Variants in MTM1 observed in about 807,000 individuals in gnomAD.
MTM1 encodes myotubularin 1, also known as myotubularin.
In MTM1, 9 loss-of-function variants were observed where a neutral mutation model predicts 52.1. The ratio of observed to expected loss-of-function variants is 0.17; its 90% CI spans 0.10 to 0.30. MTM1 has a LOEUF of 0.30. MTM1 is among the 10% of genes least tolerant of loss of function. The probability of loss-of-function intolerance (pLI) is 1.00; values close to 1 mark genes in which losing one functional copy is unlikely to be tolerated. For synonymous variants in MTM1, 136 were observed against 163.8 expected, an observed-to-expected ratio of 0.83 and a Z score of 1.29; for missense variants, 277 against 470.7, an observed-to-expected ratio of 0.59 and a Z score of 3.81.
intron 2 of MTM1, among the ~76,000 whole-genome samples, chrX:150,593,160 T>C (rs1268722795): frequency 8.9e-6 from 1 of 112,263 alleles, no homozygotes; most frequent in Admixed American, 9.4e-5. Flanking sequence ...AGCTTTTAGA[T>C]ACAATACCTT....
rs140869982 is a variant in MTM1 at position 150,659,210 on chromosome X, T to C, written c.1261-454T>C. Among the ~76,000 whole-genome samples, 423 of 112,501 alleles carry C rather than the reference T, an allele frequency of 3.8e-3. 3 individuals are homozygous for C. The highest frequency in any genetic ancestry group is 0.013 in the African/African-American group (405 of 30,994). On this transcript the variant is annotated intron_variant, in intron 11 of 14. Coordinates refer to ENST00000370396, the MANE Select transcript of MTM1 (RefSeq NM_000252.3). ...ATTGTGAGATTTTTTGGTTTTGTCT[T>C]GTTTTTAAGAGAGAAAGAACATTTA...
intron 10 of MTM1, 120 bp downstream of exon 10, chrX:150,650,021 G>T: frequency 1.7e-6 from 1 of 586,930 alleles, no homozygotes; most frequent in South Asian, 3.4e-5. Context: ...TTGTAGTAGA[G>T]GACCACATTT....
chrX:150,658,450 A>G (rs782004824), intron 11 of MTM1, among the ~76,000 whole-genome samples: 8 of 111,978 alleles, frequency 7.1e-5, no homozygotes, highest in Non-Finnish European at 1.5e-4. Flanking sequence ...TGTAGTTAAT[A>G]TATTTTTGAA....
At chrX:150,606,774 C>T (rs2039164876) in intron 4 of MTM1, among the ~76,000 whole-genome samples, 1 of 109,780 alleles carries the variant, frequency 9.1e-6, no homozygotes. Context: ...TCCCCCCGCT[C>T]TGTGAATCTG....
intron 1 of MTM1, 84 bp downstream of exon 1, chrX:150,568,746 G>A (rs1557411325): frequency 8.8e-6 from 1 of 113,353 alleles, no homozygotes; most frequent in Admixed American, 9.2e-5. Context: ...AGGAAGTTGG[G>A]ACTCCTTGGG....
At chrX:150,590,240 G>A (rs902952850) in intron 1 of MTM1, among the ~76,000 whole-genome samples, 1 of 112,077 alleles carries the variant, frequency 8.9e-6, no homozygotes, top group Non-Finnish European at 1.9e-5. Context: ...CCTCATTGTG[G>A]AACTGGCACA....
chrX:150,671,304 A>G (rs1348795642), intron 14 of MTM1, 124 bp from the exon 15 acceptor site: 4 of 770,964 alleles, frequency 5.2e-6, no homozygotes, highest in South Asian at 2.2e-5. Context: ...GAAAGTATGT[A>G]TTATGGTAAA....
At chrX:150,590,648 A>G (rs948443158) in intron 1 of MTM1, among the ~76,000 whole-genome samples, 7 of 111,804 alleles carry the variant, frequency 6.3e-5, no homozygotes, top group African/African-American at 2.3e-4. Flanking sequence ...TTCGTCCTTT[A>G]TATTCATTTT....
chrX:150,608,594 A>T (rs1012112960), intron 4 of MTM1, among the ~76,000 whole-genome samples: 27 of 111,940 alleles, frequency 2.4e-4, no homozygotes, highest in African/African-American at 8.8e-4. Flanking sequence ...CACATTGTAG[A>T]ATGAGTCAAT....
intron 1 of MTM1, among the ~76,000 whole-genome samples, chrX:150,578,159 C>A (rs782781773): frequency 8.9e-6 from 1 of 112,228 alleles, no homozygotes; most frequent in South Asian, 3.7e-4. Context: ...GGGTCCTCCC[C>A]GAGGTGAGAT....
chrX:150,595,618 A>T (rs2038962373), intron 2 of MTM1, among the ~76,000 whole-genome samples: 1 of 112,774 alleles, frequency 8.9e-6, no homozygotes, highest in Non-Finnish European at 1.9e-5. Flanking sequence ...CTTTTTGCCC[A>T]AACAGATGTT....
chrX:150,586,913 C>CAA (rs10618246), intron 1 of MTM1, among the ~76,000 whole-genome samples: 23,834 of 60,279 alleles, frequency 0.4, 3,744 homozygotes, highest in Middle Eastern at 0.6. Context: ...CACTCTGTCT[C>CAA]AAAAAAAAAA....
chrX:150,647,799 A>C (rs1557414059), intron 9 of MTM1, among the ~76,000 whole-genome samples: 1 of 112,279 alleles, frequency 8.9e-6, no homozygotes, highest in African/African-American at 3.2e-5. Context: ...ATCATTTTAA[A>C]TTAAACAAAA....
chrX:150,643,442 A>C (rs2148490725), intron 8 of MTM1, among the ~76,000 whole-genome samples: 1 of 111,763 alleles, frequency 8.9e-6, no homozygotes, highest in Non-Finnish European at 1.9e-5. Flanking sequence ...ACTGATAAGC[A>C]AAAAGGAGTC....
chrX:150,562,753 C>T, the MTM1 span, among the ~76,000 whole-genome samples: 6 of 111,800 alleles, frequency 5.4e-5, no homozygotes, highest in East Asian at 2.8e-4. Context: ...TGCTGACCAG[C>T]GGGGCCTCCT....
chrX:150,636,461 A>G (rs782485200), intron 6 of MTM1, among the ~76,000 whole-genome samples: 1 of 112,184 alleles, frequency 8.9e-6, no homozygotes, highest in Non-Finnish European at 1.9e-5. Flanking sequence ...TAGGTTGAAA[A>G]TGCTGCTTGA....
chrX:150,663,356 A>G (rs781966054), intron 13 of MTM1, 77 bp from the exon 14 acceptor site: 1 of 1,054,409 alleles, frequency 9.5e-7, no homozygotes, highest in South Asian at 1.9e-5. Flanking sequence ...CTGTATTGCT[A>G]CAGGCTGCAA....
At chrX:150,574,392 A>AT (rs1221867791) in intron 1 of MTM1, among the ~76,000 whole-genome samples, 2 of 110,912 alleles carry the variant, frequency 1.8e-5, no homozygotes, top group African/African-American at 6.6e-5. Context: ...CTGAATGTGA[A>AT]TTTTAATGAG....
At chrX:150,633,250 C>T (rs1203301464) in intron 6 of MTM1, among the ~76,000 whole-genome samples, 7 of 112,056 alleles carry the variant, frequency 6.2e-5, no homozygotes, top group Non-Finnish European at 1.1e-4. Flanking sequence ...GCCATTTCCC[C>T]CAGAGGTACT....
Sources: allele counts gnomAD v4.1 joint callset (sites outside exome capture counted in the v4.1 genomes callset), GRCh38; gene constraint gnomAD v4.1.1; transcripts MANE v1.5; gene names NCBI Gene and HGNC (gene_info 2026-07-23, HGNC 2026-07-21).